The following ZNF609 variants were observed in gnomAD, a reference collection of about 807,000 sequenced individuals.
ZNF609 encodes zinc finger protein 609.
In ZNF609, 11 loss-of-function variants were observed where a neutral mutation model predicts 109.5. The observed-to-expected ratio is 0.10, with a 90% CI of 0.06 to 0.17. The LOEUF is 0.17. Among genes scored for constraint, ZNF609 ranks in the 10% least tolerant of loss-of-function variants. The pLI is 1.00. For synonymous variants in ZNF609, 646 were observed against 662.0 expected, an observed-to-expected ratio of 0.98 and a Z score of 0.37; for missense variants, 1,559 against 1,772.4, an observed-to-expected ratio of 0.88 and a Z score of 2.16.
intron 2 of ZNF609, among the ~76,000 whole-genome samples, chr15:64,583,409 T>C (rs1895145052): frequency 6.6e-6 from 1 of 152,030 alleles, no homozygotes; most frequent in East Asian, 1.9e-4. Context: ...ACGATAGTCC[T>C]GTTTTAGAAG....
At chr15:64,524,348 A>G (rs138820267) in intron 2 of ZNF609, among the ~76,000 whole-genome samples, 4,433 of 152,210 alleles carry the variant, frequency 0.029, 228 homozygotes, top group African/African-American at 0.099. Flanking sequence ...GGCAGATCAC[A>G]AGGTCAGGAG....
At chr15:64,548,025 G>A (rs1183399667) in intron 2 of ZNF609, among the ~76,000 whole-genome samples, 1 of 152,066 alleles carries the variant, frequency 6.6e-6, no homozygotes, top group African/African-American at 2.4e-5. Flanking sequence ...CCTTTGATGA[G>A]GATTATCTCA....
chr15:64,675,152 T>C lies in ZNF609; in HGVS notation c.2298T>C (p.Asp766=). The change falls in exon 5 of 10, where the codon GAT becomes GAC. Residue 766 remains aspartate, a synonymous_variant. Transcript: ENST00000326648. ...GCCCATTCAGGGAATCTTCAGGAGA[T>C]GGGATGAAAATGGAGGGGCTCCTAA... ...GKSPFRESSG[D]GMKMEGLLNG... is the part of the protein sequence containing the mutation. 6 of 1,613,972 alleles carry C rather than the reference T, an allele frequency of 3.7e-6. No homozygotes were observed. The highest frequency in any genetic ancestry group is 1.3e-5 in the African/African-American group (1 of 74,984).
Position 64,670,416 on chromosome 15 carries a change from T to C in ZNF609, c.1044T>C (p.His348=), listed in dbSNP as rs1896708948. ...YVGTLLDCTR[H]DWAPPRFCDS... ...GTACACTCCTTGACTGCACACGACA[T>C]GATTGGGCACCCCCAAGGTAAGCAC... The change falls in exon 4 of 10, where the codon CAT becomes CAC. Residue 348 remains histidine, a synonymous_variant. Transcript: ENST00000326648. 6.2e-7 allele frequency: 1 copy of C among 1,614,054 alleles called. No homozygotes were observed. The highest frequency in any genetic ancestry group is 8.5e-7 in the Non-Finnish European group (1 of 1,180,006).
At chr15:64,606,909 C>T (rs1258352975) in intron 2 of ZNF609, among the ~76,000 whole-genome samples, 4 of 151,792 alleles carry the variant, frequency 2.6e-5, no homozygotes, top group African/African-American at 4.8e-5. Flanking sequence ...TTTGGGAGGC[C>T]GAGGCTGGCG....
intron 2 of ZNF609, among the ~76,000 whole-genome samples, chr15:64,610,861 C>T (rs1444010847): frequency 6.6e-6 from 1 of 152,002 alleles, no homozygotes; most frequent in Non-Finnish European, 1.5e-5. Flanking sequence ...GGTCCAGCCA[C>T]GTTATAGGTT....
chr15:64,583,493 G>GGACC (rs1361251459), intron 2 of ZNF609, among the ~76,000 whole-genome samples: 1 of 152,098 alleles, frequency 6.6e-6, no homozygotes, highest in Non-Finnish European at 1.5e-5. Context: ...CATTGATGAG[G>GGACC]GACCATCCAC....
chr15:64,675,784 A>C lies in ZNF609; in HGVS notation c.2930A>C (p.Tyr977Ser). 2 of 1,614,226 alleles carry C rather than the reference A, an allele frequency of 1.2e-6. No individual in the cohort carries two copies. The highest frequency in any genetic ancestry group is 1.7e-6 in the Non-Finnish European group (2 of 1,180,046). ...ATGCAGTCCCTGTACTACAACCAGT[A>C]TGCCTATGTACCCCCCTATGGCTAC... ...MYMQSLYYNQYAYVPPYGYSD... is the reference protein window; with the variant it reads ...MYMQSLYYNQSAYVPPYGYSD... Residue 977 changes from tyrosine (Y) to serine (S), a missense_variant, in exon 5 of 10, where the codon TAT becomes TCT. Physicochemically the swap from Tyr to Ser is moderately radical, Grantham distance 144. Around this residue, in one of 4 missense-constraint regions of ZNF609, gnomAD observed 1,204 missense variants for 1,314.1 expected, o/e 0.92. Transcript: ENST00000326648.
chr15:64,667,200 T>G (rs1896661402), intron 3 of ZNF609, among the ~76,000 whole-genome samples: 1 of 152,196 alleles, frequency 6.6e-6, no homozygotes, highest in African/African-American at 2.4e-5. Context: ...GGTTACACTA[T>G]AACAAAGCCA....
chr15:64,486,299 G>A (rs773800766), intron 1 of ZNF609, among the ~76,000 whole-genome samples: 5 of 152,080 alleles, frequency 3.3e-5, no homozygotes, highest in African/African-American at 7.2e-5. Context: ...CAAGGCAGGC[G>A]GATCACCTGA....
rs1193320186 is a variant in ZNF609 at position 64,577,311 on chromosome 15, G to GTA, written c.748-45507_748-45506dup. 7.6e-3 allele frequency among the ~76,000 whole-genome samples: 97 copies of GTA among 12,752 alleles called. 48 individuals are homozygous for GTA. The highest frequency in any genetic ancestry group is 0.051 in the Non-Finnish European group (92 of 1,820). The allele number at this position is 12,752 out of a possible 152,430, so 8.4% of individuals were successfully genotyped here. On this transcript the variant is annotated intron_variant, in intron 2 of 9. Transcript: ENST00000326648. ...TATACACACAAATATATACATATAT[G>GTA]TATATATATACACACAAATATATAC...
intron 2 of ZNF609, among the ~76,000 whole-genome samples, chr15:64,558,827 A>G (rs1163077059): frequency 6.6e-6 from 1 of 152,170 alleles, no homozygotes; most frequent in Non-Finnish European, 1.5e-5. Flanking sequence ...ATTGAGGTTT[A>G]TTTCAAAGAA....
Position 64,675,614 on chromosome 15 carries a change from G to A in ZNF609, c.2760G>A (p.Glu920=). ...ACCCCAGCAGCCAGGCAGGAGTGGA[G>A]AGCCAGGCCCTGAAGACAAAAAGGG... The part of the protein sequence containing the change: ...ALNPSSQAGV[E]SQALKTKRDE... The change falls in exon 5 of 10, where the codon GAG becomes GAA. Residue 920 remains glutamate, a synonymous_variant. Coordinates refer to ENST00000326648, the MANE Select transcript of ZNF609 (RefSeq NM_015042.2). The A allele has an allele frequency of 6.2e-7, 1 of 1,614,098 alleles. No individual in the cohort carries two copies. The highest frequency in any genetic ancestry group is 1.1e-5 in the South Asian group (1 of 91,084).
chr15:64,507,455 A>G (rs1893653617), intron 2 of ZNF609, among the ~76,000 whole-genome samples: 1 of 152,212 alleles, frequency 6.6e-6, no homozygotes, highest in South Asian at 2.1e-4. Context: ...ATGCTTGAGT[A>G]ACCCGCCTCC....
intron 2 of ZNF609, among the ~76,000 whole-genome samples, chr15:64,534,682 C>T (rs551340993): frequency 6.6e-6 from 1 of 152,074 alleles, no homozygotes; most frequent in Non-Finnish European, 1.5e-5. Context: ...CCACCTCCAT[C>T]CCTAATCTCT....
chr15:64,552,826 T>C (rs1322898586), intron 2 of ZNF609, among the ~76,000 whole-genome samples: 1 of 152,132 alleles, frequency 6.6e-6, no homozygotes, highest in African/African-American at 2.4e-5. Flanking sequence ...TTTTTTTCTT[T>C]TGTAGAGATG....
At chr15:64,570,733 A>G (rs1439385948) in intron 2 of ZNF609, among the ~76,000 whole-genome samples, 1 of 152,128 alleles carries the variant, frequency 6.6e-6, no homozygotes, top group Non-Finnish European at 1.5e-5. Context: ...TAGTAAAATT[A>G]GCTTAGTTTT....
rs1896802195 is a variant in ZNF609, at chr15:64,675,869, CGAA to C, written c.3019_3021del (p.Glu1007del). 6.2e-7 allele frequency: 1 copy of C among 1,614,176 alleles called. No homozygotes were observed. The highest frequency in any genetic ancestry group is 8.5e-7 in the Non-Finnish European group (1 of 1,180,048). ...CTAACACGGCTTACCGGCAGCAGTA[CGAA>C]GAACAGCAGAAACGCCAGAGCTTAG... is the stretch of plus-strand genomic sequence containing the variant. On this transcript the variant is annotated inframe_deletion, in exon 5 of 10. Transcript: ENST00000326648.
At chr15:64,517,721 T>C (rs1355672581) in intron 2 of ZNF609, among the ~76,000 whole-genome samples, 1 of 151,824 alleles carries the variant, frequency 6.6e-6, no homozygotes, top group African/African-American at 2.4e-5. Flanking sequence ...AAAAGTTAAA[T>C]GGATGTGGTC....
Sources: allele counts gnomAD v4.1 joint callset (sites outside exome capture counted in the v4.1 genomes callset), GRCh38; gene constraint gnomAD v4.1.1; regional missense constraint gnomAD v4.1.1; transcripts MANE v1.5; gene names NCBI Gene and HGNC (gene_info 2026-07-23, HGNC 2026-07-21).